NHSL1: variants seen among roughly 807,000 people sequenced by gnomAD.
The protein encoded by NHSL1 is NHS-like protein 1.
In NHSL1, 48 loss-of-function variants were observed where a neutral mutation model predicts 95.0. That is an observed-to-expected ratio of 0.51 (90% confidence interval 0.40 to 0.64). The LOEUF is 0.64. NHSL1 is among the 30% of genes least tolerant of loss of function. NHSL1 has a pLI of 0.00. For missense variants in NHSL1, 1,971 were observed against 2,077.7 expected (o/e 0.95, Z 1.00); for synonymous variants, 783 against 833.9 (o/e 0.94, Z 1.05).
At chr6:138,670,392 C>G (rs1192105770) in intron 1 of NHSL1, among the ~76,000 whole-genome samples, 2 of 150,752 alleles carry the variant, frequency 1.3e-5, no homozygotes, top group African/African-American at 2.4e-5. Context: ...AAAGGCCGGG[C>G]GCGGTGGCTC....
At chr6:138,629,099 A>G (rs1031827560) in intron 1 of NHSL1, among the ~76,000 whole-genome samples, 18 of 152,228 alleles carry the variant, frequency 1.2e-4, no homozygotes, top group African/African-American at 4.3e-4. Context: ...CCTCAAAAAA[A>G]GTGCTGAAAT....
intron 1 of NHSL1, among the ~76,000 whole-genome samples, chr6:138,688,573 G>A (rs1785618373): frequency 6.6e-6 from 1 of 152,054 alleles, no homozygotes; most frequent in South Asian, 2.1e-4. Context: ...AACCCGGGAG[G>A]CAGAGGTTGC....
At chr6:138,647,769 A>T (rs754766249) in intron 1 of NHSL1, among the ~76,000 whole-genome samples, 1 of 151,866 alleles carries the variant, frequency 6.6e-6, no homozygotes, top group African/African-American at 2.4e-5. Context: ...GGCTAATTTT[A>T]GTATTTTCAC....
At chr6:138,425,570 G>A (rs752224505) in intron 7 of NHSL1, among the ~76,000 whole-genome samples, 9 of 152,060 alleles carry the variant, frequency 5.9e-5, no homozygotes, top group Non-Finnish European at 1.3e-4. Flanking sequence ...AACTTACTTT[G>A]GACAGGACCA....
intron 1 of NHSL1, among the ~76,000 whole-genome samples, chr6:138,621,886 C>T (rs1262996542): frequency 1.3e-5 from 2 of 152,222 alleles, no homozygotes; most frequent in African/African-American, 4.8e-5. Context: ...GGAGGCAGCA[C>T]TAGGTCCAGA....
upstream of NHSL1, among the ~76,000 whole-genome samples, chr6:138,547,676 C>A (rs1456382239): frequency 6.6e-6 from 1 of 152,204 alleles, no homozygotes; most frequent in Non-Finnish European, 1.5e-5. Context: ...AGCCACCATC[C>A]CCGGCCTGAT....
chr6:138,468,780 T>C (rs1309372191), intron 3 of NHSL1, among the ~76,000 whole-genome samples: 2 of 152,196 alleles, frequency 1.3e-5, no homozygotes, highest in Admixed American at 1.3e-4. Flanking sequence ...CCTATGATAT[T>C]TGTACAATGA....
chr6:138,573,411 T>C (rs1783909460), upstream of NHSL1, among the ~76,000 whole-genome samples: 1 of 152,204 alleles, frequency 6.6e-6, no homozygotes. Context: ...AGCACTTTGC[T>C]TTACTCAGCA....
At chr6:138,444,428 A>G (rs905292150) in intron 4 of NHSL1, among the ~76,000 whole-genome samples, 3 of 152,180 alleles carry the variant, frequency 2.0e-5, no homozygotes, top group African/African-American at 7.2e-5. Flanking sequence ...ATATGTACAT[A>G]TTAAGTATTT....
chr6:138,558,456 C>G (rs1374368078), intron 1 of NHSL1, among the ~76,000 whole-genome samples: 1 of 118,518 alleles, frequency 8.4e-6, no homozygotes, highest in African/African-American at 3.3e-5. Context: ...CAGAGTCTCA[C>G]TCTGTCGCCC....
In NHSL1 at chr6:138,423,109, A is replaced by C. The variant is rs980679240; in HGVS notation, c.*972T>G. On this transcript the variant is annotated 3_prime_UTR_variant, in exon 8 of 8. Coordinates refer to ENST00000343505, the MANE Select transcript of NHSL1 (RefSeq NM_001144060.2). ...AAACTCTGGTTAAAAAAAAAAAAAA[A>C]AAAAAACTGTTGTAAAAGGAAAAGC... The C allele has an allele frequency of 1.3e-5, 2 of 151,814 alleles. No homozygotes were observed. Among genetic ancestry groups the C allele is most frequent in the African/African-American group, 4.8e-5 (2 of 41,454 alleles). 9.4% of individuals were successfully genotyped at this position (151,814 alleles called of 1,614,324 possible).
intron 2 of NHSL1, among the ~76,000 whole-genome samples, chr6:138,489,838 G>A (rs1337137375): frequency 1.4e-5 from 1 of 71,592 alleles, no homozygotes; most frequent in Non-Finnish European, 2.6e-5. Context: ...GAGAGAGAGA[G>A]AGAGAGGGAG....
At chr6:138,640,914 C>T (rs1398889186) in intron 1 of NHSL1, among the ~76,000 whole-genome samples, 1 of 152,192 alleles carries the variant, frequency 6.6e-6, no homozygotes, top group African/African-American at 2.4e-5. Flanking sequence ...CACAAATTGT[C>T]AGCTTTGCTG....
chr6:138,458,292 G>A (rs552695873), intron 3 of NHSL1, among the ~76,000 whole-genome samples: 11 of 152,266 alleles, frequency 7.2e-5, no homozygotes, highest in South Asian at 4.1e-4. Flanking sequence ...TTCTCATACC[G>A]GGTCAAGTCA....
intron 1 of NHSL1, among the ~76,000 whole-genome samples, chr6:138,561,019 G>C (rs145271694): frequency 1.3e-5 from 2 of 152,162 alleles, no homozygotes; most frequent in South Asian, 2.1e-4. Context: ...TAATACTTGC[G>C]AGTTTTCCTT....
Position 138,447,197 on chromosome 6 carries a change from C to T in NHSL1, c.340-4G>A. 1.3e-6 allele frequency: 2 copies of T among 1,549,302 alleles called. No individual in the cohort carries two copies. The highest frequency in any genetic ancestry group is 1.7e-6 in the Non-Finnish European group (2 of 1,146,324). On this transcript the variant is annotated splice_region_variant and splice_polypyrimidine_tract_variant and intron_variant, in intron 3 of 7. Transcript: ENST00000343505. ...CTTCTGATGAAGACAGAGAACACTG[C>T]AGAGAAAAAAGAAGCAGCAGCCACA... is the stretch of plus-strand genomic sequence containing the variant.
In NHSL1 at chr6:138,425,372, T is replaced by C. The variant is rs146398300; in HGVS notation, c.4086-556A>G. On this transcript the variant is annotated intron_variant, in intron 7 of 7. Coordinates refer to ENST00000343505, the MANE Select transcript of NHSL1 (RefSeq NM_001144060.2). ...TCGGCCTCCCAAAGTGCTGGGATTATAGGCGTGAGCCACTGTGCCTGGCAA... is the reference window on the plus strand; with the variant it reads ...TCGGCCTCCCAAAGTGCTGGGATTACAGGCGTGAGCCACTGTGCCTGGCAA... Among the ~76,000 whole-genome samples, 315 of 152,284 alleles carry C rather than the reference T, an allele frequency of 2.1e-3. 3 individuals are homozygous for C. The highest frequency in any genetic ancestry group is 0.018 in the Admixed American group (272 of 15,306).
intron 5 of NHSL1, among the ~76,000 whole-genome samples, chr6:138,441,714 G>A (rs559776330): frequency 6.6e-6 from 1 of 152,112 alleles, no homozygotes; most frequent in African/African-American, 2.4e-5. Flanking sequence ...ACAATGATGA[G>A]GTTAACTATG....
intron 3 of NHSL1, among the ~76,000 whole-genome samples, chr6:138,449,675 C>CAAA (rs879337477): frequency 1.7e-5 from 2 of 116,860 alleles, no homozygotes; most frequent in Admixed American, 8.7e-5. Context: ...GACTCTGTCT[C>CAAA]AAAAAAAAAA....
Sources: allele counts gnomAD v4.1 joint callset (sites outside exome capture counted in the v4.1 genomes callset), GRCh38; gene constraint gnomAD v4.1.1; transcripts MANE v1.5; gene names NCBI Gene and HGNC (gene_info 2026-07-23, HGNC 2026-07-21).